MAP4: variants seen among roughly 807,000 people sequenced by gnomAD.
MAP4 encodes the protein microtubule-associated protein 4.
A neutral mutation model predicts 170.2 loss-of-function variants in MAP4; 76 were observed. The ratio of observed to expected loss-of-function variants is 0.45; its 90% CI spans 0.37 to 0.54. The LOEUF (loss-of-function observed/expected upper bound fraction) is 0.54. Ranked by LOEUF, MAP4 falls within the 20% of genes least tolerant of loss-of-function variation. MAP4 has a pLI of 0.00. For synonymous variants in MAP4, 909 were observed against 994.5 expected, an observed-to-expected ratio of 0.91 and a Z score of 1.62; for missense variants, 2,506 against 2,748.0, an observed-to-expected ratio of 0.91 and a Z score of 1.97.
rs772507191 is a variant in MAP4 at position 47,916,302 on chromosome 3, G to A, written c.1525C>T (p.Leu509=). The change falls in exon 7 of 21, where the codon CTA becomes TTA. Residue 509 remains leucine (L), a synonymous_variant. Transcript: ENST00000683076. ...CCCAGAGCCATTTCTGTTTCTGATA[G>A]TGGAGACATGTCCTTCAACAAGCCC... ...EVGLLKDMSP[L]SETEMALGKD... 3 of 1,614,226 alleles carry A rather than the reference G, an allele frequency of 1.9e-6. No individual in the cohort carries two copies. The highest frequency in any genetic ancestry group is 2.5e-6 in the Non-Finnish European group (3 of 1,180,040).
chr3:47,855,932 A>G lies in MAP4; in HGVS notation c.6584-572T>C, dbSNP rs571203356. On this transcript the variant is annotated intron_variant, in intron 18 of 20. Transcript: ENST00000683076. This position sits in a 1 kb window ranked among gnomAD's most constrained non-coding sequence, Gnocchi z 5.1. Reference sequence around the variant, plus strand: ...GTACCACACTCTAGCAAAAAGAAGGAATAATAAAAAGGACAGAGTGGCCCC... The same window carrying G: ...GTACCACACTCTAGCAAAAAGAAGGGATAATAAAAAGGACAGAGTGGCCCC... Among the ~76,000 whole-genome samples the G allele has an allele frequency of 7.9e-5, 12 of 152,312 alleles. No individual in the cohort carries two copies. The highest frequency in any genetic ancestry group is 2.2e-4 in the African/African-American group (9 of 41,554).
At chr3:47,985,247 T>C (rs1307424923) in intron 2 of MAP4, among the ~76,000 whole-genome samples, 1 of 151,558 alleles carries the variant, frequency 6.6e-6, no homozygotes, top group East Asian at 1.9e-4. Flanking sequence ...GCCACTGCAC[T>C]CCAGTCTGGG....
intron 1 of MAP4, among the ~76,000 whole-genome samples, chr3:48,086,079 T>C (rs1261320002): frequency 6.6e-6 from 1 of 151,400 alleles, no homozygotes; most frequent in Middle Eastern, 3.4e-3. Flanking sequence ...TGTGTGTGTA[T>C]ATGTATGTAT....
upstream of MAP4, among the ~76,000 whole-genome samples, chr3:48,017,223 A>G (rs1316515219): frequency 6.6e-6 from 1 of 152,216 alleles, no homozygotes; most frequent in East Asian, 1.9e-4. Flanking sequence ...AGAACACCAA[A>G]AACAGAAGCA....
Position 47,912,407 on chromosome 3 carries a change from A to G in MAP4, c.2014T>C (p.Cys672Arg), listed in dbSNP as rs2100036427. Residue 672 changes from cysteine to arginine, a missense_variant, in exon 9 of 21, where the codon TGC (cysteine) becomes CGC (arginine). Physicochemically the swap from Cys to Arg is radical, Grantham distance 180. Around this residue, in one of 3 missense-constraint regions of MAP4, gnomAD observed 2,008 missense variants for 2,206.0 expected, o/e 0.91. Coordinates refer to ENST00000683076, the MANE Select transcript of MAP4 (RefSeq NM_001385682.1). ...SSETSANFMY[C>R]GTPPTQAKQV... ...TTGGCTTGTGTGGGAGGGGTACCGC[A>G]ATACATGAAGTTGGCTAAAATTCCA... The G allele has an allele frequency of 6.7e-7, 1 of 1,481,728 alleles. No individual in the cohort carries two copies. The highest frequency in any genetic ancestry group is 8.9e-7 in the Non-Finnish European group (1 of 1,118,552). The allele number at this position is 1,481,728 out of a possible 1,614,324, so 91.8% of individuals were successfully genotyped here.
At chr3:48,067,721 C>A (rs1386529013) in intron 1 of MAP4, among the ~76,000 whole-genome samples, 1 of 151,710 alleles carries the variant, frequency 6.6e-6, no homozygotes, top group Non-Finnish European at 1.5e-5. Flanking sequence ...CTCACTGCAA[C>A]CTCTGCTTCC....
At chr3:47,949,983 T>C (rs755791284) in intron 3 of MAP4, among the ~76,000 whole-genome samples, 2 of 152,210 alleles carry the variant, frequency 1.3e-5, no homozygotes, top group Non-Finnish European at 2.9e-5. Flanking sequence ...ACAGTTTTGT[T>C]GGCACTCCAG....
At chr3:47,936,475 T>A (rs2100052904) in intron 3 of MAP4, among the ~76,000 whole-genome samples, 1 of 151,264 alleles carries the variant, frequency 6.6e-6, no homozygotes, top group Non-Finnish European at 1.5e-5. Flanking sequence ...AGGAGAGACT[T>A]ATGGATCAGG....
Position 47,855,156 on chromosome 3 carries a change from C to T in MAP4, c.6696+92G>A, listed in dbSNP as rs1220496752. ...CATGACTCCTGAAGAGACTGAGGGG[C>T]GGTGACAGGTGCCTACCTGTGAGGA... On this transcript the variant is annotated intron_variant, in intron 19 of 20. Coordinates refer to ENST00000683076, the MANE Select transcript of MAP4 (RefSeq NM_001385682.1). The surrounding 1 kb of genome is among the most constrained non-coding windows in gnomAD (Gnocchi z 5.1). 9 of 794,224 alleles carry T rather than the reference C, an allele frequency of 1.1e-5. No homozygotes were observed. The highest frequency in any genetic ancestry group is 1.8e-5 in the Admixed American group (1 of 54,778). The allele number at this position is 794,224 out of a possible 1,614,324, so 49.2% of individuals were successfully genotyped here.
chr3:48,061,946 C>T (rs1324653544), intron 1 of MAP4, among the ~76,000 whole-genome samples: 21 of 152,206 alleles, frequency 1.4e-4, no homozygotes, highest in African/African-American at 4.1e-4. Context: ...CCAGCCGCCC[C>T]TTCTGGGAAG....
chr3:47,901,056 T>C (rs747319528), intron 10 of MAP4, among the ~76,000 whole-genome samples: 1 of 152,176 alleles, frequency 6.6e-6, no homozygotes, highest in Non-Finnish European at 1.5e-5. Context: ...TATGCATGCC[T>C]TTACACAGCT....
chr3:47,912,664 A>G (rs1165197522), intron 8 of MAP4, among the ~76,000 whole-genome samples: 1 of 152,222 alleles, frequency 6.6e-6, no homozygotes, highest in East Asian at 1.9e-4. Flanking sequence ...GTTTTCAAAC[A>G]TTTATAAAAT....
chr3:47,892,495 C>T, intron 10 of MAP4: 1 of 1,517,562 alleles, frequency 6.6e-7, no homozygotes, highest in Non-Finnish European at 8.8e-7. Context: ...GCGACATCGT[C>T]TCTCCTCCAC....
At chr3:47,998,440 T>G (rs2100097207) in intron 2 of MAP4, among the ~76,000 whole-genome samples, 198 bp downstream of exon 2, 1 of 152,136 alleles carries the variant, frequency 6.6e-6, no homozygotes, top group African/African-American at 2.4e-5. Flanking sequence ...ACATTAGGGT[T>G]AAAAGTCATC....
At chr3:47,915,838 T>C (rs1477109593) in intron 7 of MAP4, 113 bp downstream of exon 7, 1 of 1,246,388 alleles carries the variant, frequency 8.0e-7, no homozygotes, top group African/African-American at 1.5e-5. Flanking sequence ...ATGAATAAAC[T>C]TGCAAAGTAC....
intron 8 of MAP4, 34 bp downstream of exon 8, chr3:47,914,783 G>T: frequency 6.2e-7 from 1 of 1,613,622 alleles, no homozygotes; most frequent in Non-Finnish European, 8.5e-7. Flanking sequence ...CCCCTAATTT[G>T]TTTCAAAGAG....
At chr3:47,899,166 G>A (rs1477251170) in intron 10 of MAP4, among the ~76,000 whole-genome samples, 1 of 152,170 alleles carries the variant, frequency 6.6e-6, no homozygotes, top group Admixed American at 6.5e-5. Flanking sequence ...GGGTGAGCCT[G>A]CCTAGGTAAA....
intron 10 of MAP4, among the ~76,000 whole-genome samples, chr3:47,884,464 C>A (rs1395704019): frequency 6.6e-6 from 1 of 152,120 alleles, no homozygotes; most frequent in Admixed American, 6.5e-5. Flanking sequence ...CTTTAGCATG[C>A]AATCACCCTG....
intron 3 of MAP4, among the ~76,000 whole-genome samples, chr3:47,943,027 T>C (rs1014416318): frequency 1.9e-4 from 29 of 152,150 alleles, no homozygotes; most frequent in East Asian, 7.7e-4. Flanking sequence ...GGTGGGAGGA[T>C]TGCTTGAGCC....
Sources: gnomAD v4.1 joint callset for allele counts (sites outside exome capture counted in the v4.1 genomes callset) on GRCh38, gnomAD v4.1.1 for gene constraint, gnomAD v4.1.1 regional missense constraint, Gnocchi (gnomAD v3.1) non-coding constraint, MANE v1.5 for transcripts, NCBI Gene and HGNC (gene_info 2026-07-23, HGNC 2026-07-21) for gene names.